The following GPC5 variants were observed in gnomAD, a reference collection of about 807,000 sequenced individuals.
The protein encoded by GPC5 is glypican 5.
In GPC5, 47 loss-of-function variants were observed where a neutral mutation model predicts 53.9. The ratio of observed to expected loss-of-function variants is 0.87; its 90% CI spans 0.69 to 1.11. GPC5 has a LOEUF of 1.11. Among genes scored for constraint, GPC5 ranks in the 50% most tolerant of loss-of-function variants. GPC5 has a pLI of 0.00. For synonymous variants in GPC5, 286 were observed against 263.3 expected, an observed-to-expected ratio of 1.09 and a Z score of -0.84; for missense variants, 748 against 713.1, an observed-to-expected ratio of 1.05 and a Z score of -0.56.
intron 7 of GPC5, among the ~76,000 whole-genome samples, chr13:92,817,969 C>G (rs9523809): frequency 0.2 from 29,989 of 150,770 alleles, 3,734 homozygotes; most frequent in Non-Finnish European, 0.28. Flanking sequence ...AACTTTCCAC[C>G]TGGGTAATGG....
At chr13:91,896,372 G>T (rs374535277) in intron 5 of GPC5, among the ~76,000 whole-genome samples, 2 of 151,964 alleles carry the variant, frequency 1.3e-5, no homozygotes, top group South Asian at 4.2e-4. Flanking sequence ...AGCCACCTCC[G>T]CCTCCCAAAG....
chr13:91,493,160 T>A (rs1006015764), intron 2 of GPC5, among the ~76,000 whole-genome samples: 6 of 152,218 alleles, frequency 3.9e-5, no homozygotes, highest in Non-Finnish European at 8.8e-5. Flanking sequence ...CATGCCTGCA[T>A]AAGTGCAGCA....
rs2042022331 is a variant in GPC5 at position 92,165,672 on chromosome 13, AT to A, written c.1561+20686del. Among the ~76,000 whole-genome samples, 3 of 152,312 alleles carry A rather than the reference AT, an allele frequency of 2.0e-5. No homozygotes were observed. In the South Asian group the frequency reaches 6.2e-4, roughly 32 times the overall value. ...CCTCCCCTAACACATGGGGATTACA[AT>A]TTGGATTACAATTCAAAATGAAATT... On this transcript the variant is annotated intron_variant, in intron 7 of 7. Coordinates refer to ENST00000377067, the MANE Select transcript of GPC5 (RefSeq NM_004466.6).
chr13:91,559,197 A>G (rs909116863), intron 2 of GPC5, among the ~76,000 whole-genome samples: 1 of 152,180 alleles, frequency 6.6e-6, no homozygotes, highest in Admixed American at 6.5e-5. Context: ...ATGCAGAATC[A>G]GCCTAACACC....
intron 7 of GPC5, among the ~76,000 whole-genome samples, chr13:92,536,301 G>GATATGTAA (rs1314922202): frequency 2.4e-4 from 36 of 152,208 alleles, no homozygotes; most frequent in African/African-American, 8.4e-4. Context: ...TATATACACA[G>GATATGTAA]ATATGTAAAT....
At chr13:92,543,156 T>G (rs917822802) in intron 7 of GPC5, among the ~76,000 whole-genome samples, 1 of 152,108 alleles carries the variant, frequency 6.6e-6, no homozygotes, top group Non-Finnish European at 1.5e-5. Context: ...TCCTATAGAC[T>G]TCCTTCATTT....
chr13:91,681,879 A>G (rs1415471798), intron 2 of GPC5, among the ~76,000 whole-genome samples: 1 of 152,208 alleles, frequency 6.6e-6, no homozygotes, highest in Admixed American at 6.5e-5. Flanking sequence ...ATCATACACA[A>G]TATCTTAATG....
intron 7 of GPC5, among the ~76,000 whole-genome samples, chr13:92,585,448 A>T (rs1416543924): frequency 6.6e-6 from 1 of 152,154 alleles, no homozygotes; most frequent in Non-Finnish European, 1.5e-5. Flanking sequence ...GAATGGCGGT[A>T]TTTATCCAGT....
intron 7 of GPC5, among the ~76,000 whole-genome samples, chr13:92,219,616 T>C (rs2042434621): frequency 6.6e-6 from 1 of 152,146 alleles, no homozygotes; most frequent in African/African-American, 2.4e-5. Flanking sequence ...GTCCCCTCCC[T>C]CAGTCAGTCA....
chr13:91,481,669 C>T (rs1042480439), intron 2 of GPC5, among the ~76,000 whole-genome samples: 1 of 152,104 alleles, frequency 6.6e-6, no homozygotes. Context: ...ACTTAATTAT[C>T]GAAAGCTGCT....
intron 7 of GPC5, among the ~76,000 whole-genome samples, chr13:92,173,964 G>A (rs143212324): frequency 6.6e-6 from 1 of 151,984 alleles, no homozygotes; most frequent in South Asian, 2.1e-4. Flanking sequence ...AATTAGTTGG[G>A]TGTGGTGGCA....
intron 6 of GPC5, among the ~76,000 whole-genome samples, chr13:91,940,943 C>T (rs2039920890): frequency 6.6e-6 from 1 of 152,028 alleles, no homozygotes; most frequent in African/African-American, 2.4e-5. Context: ...TGTAGGTTGT[C>T]TGTTTACTCT....
At chr13:92,115,297 AAG>A (rs1183709986) in intron 6 of GPC5, among the ~76,000 whole-genome samples, 2 of 152,212 alleles carry the variant, frequency 1.3e-5, no homozygotes, top group East Asian at 3.9e-4. Context: ...TTATGAGGTC[AAG>A]AGATCGAGAC....
At chr13:92,530,650 A>ACATT (rs1340930134) in intron 7 of GPC5, among the ~76,000 whole-genome samples, 1 of 152,120 alleles carries the variant, frequency 6.6e-6, no homozygotes, top group Admixed American at 6.5e-5. Context: ...ATTATCTCTA[A>ACATT]CATTCAAGGT....
intron 7 of GPC5, among the ~76,000 whole-genome samples, chr13:92,597,035 G>A (rs1883904253): frequency 6.6e-6 from 1 of 152,108 alleles, no homozygotes; most frequent in Non-Finnish European, 1.5e-5. Context: ...TCACAGTGAT[G>A]TAAAATATCC....
intron 3 of GPC5, among the ~76,000 whole-genome samples, chr13:91,711,780 T>C (rs1331399075): frequency 6.6e-6 from 1 of 152,180 alleles, no homozygotes; most frequent in Non-Finnish European, 1.5e-5. Flanking sequence ...CCCAAAGTGG[T>C]CATTTTAATA....
At chr13:92,353,026 C>G (rs1461884505) in intron 7 of GPC5, among the ~76,000 whole-genome samples, 1 of 151,344 alleles carries the variant, frequency 6.6e-6, no homozygotes, top group African/African-American at 2.4e-5. Flanking sequence ...TTTGGGAGGC[C>G]GAGGCGGGTG....
intron 7 of GPC5, among the ~76,000 whole-genome samples, chr13:92,290,693 T>C (rs1338746154): frequency 1.3e-5 from 2 of 152,316 alleles, no homozygotes; most frequent in African/African-American, 2.4e-5. Flanking sequence ...TAGTATTCCA[T>C]TGCATATATA....
Position 92,833,613 on chromosome 13 carries a change from GAT to G in GPC5, c.1562-32667_1562-32666del, listed in dbSNP as rs1878124308. Among the ~76,000 whole-genome samples the G allele has an allele frequency of 2.6e-5, 4 of 152,224 alleles. No homozygotes were observed. In the South Asian group the frequency reaches 8.3e-4, roughly 32 times the overall value. On this transcript the variant is annotated intron_variant, in intron 7 of 7. Transcript: ENST00000377067. ...ATCTTAAACTGATTGTGTCAGAGCT[GAT>G]ACAGATACTATTCACATTTTTATAA...
Sources: gnomAD v4.1 joint callset for allele counts (sites outside exome capture counted in the v4.1 genomes callset) on GRCh38, gnomAD v4.1.1 for gene constraint, MANE v1.5 for transcripts, NCBI Gene and HGNC (gene_info 2026-07-23, HGNC 2026-07-21) for gene names.